The following NCAM2 variants were observed in gnomAD, a reference collection of about 807,000 sequenced individuals.
NCAM2 encodes the protein neural cell adhesion molecule 2.
In NCAM2, 30 loss-of-function variants were observed where a neutral mutation model predicts 98.1. The ratio of observed to expected loss-of-function variants is 0.31; its 90% confidence interval spans 0.23 to 0.41. The LOEUF (loss-of-function observed/expected upper bound fraction) is 0.41. Ranked by LOEUF, NCAM2 falls within the 10% of genes least tolerant of loss-of-function variation. NCAM2 has a pLI of 1.00. For synonymous variants in NCAM2, 368 were observed against 342.4 expected, an observed-to-expected ratio of 1.07 and a Z score of -0.83; for missense variants, 867 against 1,005.8, an observed-to-expected ratio of 0.86 and a Z score of 1.87.
intron 1 of NCAM2, among the ~76,000 whole-genome samples, chr21:21,181,716 A>G (rs1368032375): frequency 6.6e-6 from 1 of 152,040 alleles, no homozygotes; most frequent in African/African-American, 2.4e-5. Flanking sequence ...TCTTTTCTGA[A>G]ATGTTTTCTT....
rs372762596 is a variant in NCAM2, at chr21:21,120,844, G to A, written c.55+122226G>A. Among the ~76,000 whole-genome samples the A allele has an allele frequency of 1.4e-4, 21 of 150,782 alleles. No homozygotes were observed. The South Asian group carries it at 4.2e-3, about 31-fold the overall frequency. On this transcript the variant is annotated intron_variant, in intron 1 of 17. Transcript: ENST00000400546. ...GTCGATTCTCCTGCCTCAGCCTCCCGAGTAGCTGGGATTACAGGTGGGTGC... is the reference window on the plus strand; with the variant it reads ...GTCGATTCTCCTGCCTCAGCCTCCCAAGTAGCTGGGATTACAGGTGGGTGC...
intron 8 of NCAM2, among the ~76,000 whole-genome samples, chr21:21,368,463 A>C (rs2075838210): frequency 6.6e-6 from 1 of 151,774 alleles, no homozygotes; most frequent in African/African-American, 2.4e-5. Flanking sequence ...TAGTCTGTTC[A>C]CGCTGCTATA....
chr21:21,395,318 G>T (rs1204279549), intron 9 of NCAM2, among the ~76,000 whole-genome samples: 1 of 151,982 alleles, frequency 6.6e-6, no homozygotes, highest in African/African-American at 2.4e-5. Context: ...CCACAGCCGG[G>T]ACAGCAGAGC....
intron 1 of NCAM2, among the ~76,000 whole-genome samples, chr21:21,228,660 T>C (rs2070491134): frequency 1.3e-5 from 2 of 151,390 alleles, no homozygotes; most frequent in South Asian, 4.1e-4. Context: ...AAATGATATG[T>C]TTTGTGTGTT....
intron 1 of NCAM2, among the ~76,000 whole-genome samples, chr21:21,077,487 A>T (rs2065704031): frequency 6.6e-6 from 1 of 152,204 alleles, no homozygotes; most frequent in Non-Finnish European, 1.5e-5. Flanking sequence ...ATTTCAGATT[A>T]ATGAGGCCCA....
intron 14 of NCAM2, among the ~76,000 whole-genome samples, chr21:21,476,017 TG>T (rs1985120405): frequency 6.6e-6 from 1 of 152,186 alleles, no homozygotes; most frequent in African/African-American, 2.4e-5. Context: ...AATGCAATCA[TG>T]AATTTAACTT....
At chr21:21,104,834 A>G (rs745714944) in intron 1 of NCAM2, among the ~76,000 whole-genome samples, 9 of 152,160 alleles carry the variant, frequency 5.9e-5, no homozygotes, top group East Asian at 5.8e-4. Flanking sequence ...GATGGAGGCT[A>G]TAAAAGAAAT....
At chr21:21,147,040 C>T (rs1446518350) in intron 1 of NCAM2, 1 of 823,706 alleles carries the variant, frequency 1.2e-6, no homozygotes, top group East Asian at 1.7e-4. Context: ...TGTCCCACTC[C>T]GGAACTCATA....
At chr21:21,310,604 C>A (rs1426043333) in intron 5 of NCAM2, among the ~76,000 whole-genome samples, 1 of 152,170 alleles carries the variant, frequency 6.6e-6, no homozygotes, top group Non-Finnish European at 1.5e-5. Context: ...CTTATTGAAT[C>A]TGATTGTAAC....
rs1349128576 is a variant in NCAM2 at position 21,539,276 on chromosome 21, G to C, written c.*1319G>C. ...TAACTTATATGTAAGGTTTAAAAAA[G>C]TATTTATCATTATAAACATACATAC... is the stretch of plus-strand genomic sequence containing the variant. On this transcript the variant is annotated 3_prime_UTR_variant, in exon 18 of 18. Transcript: ENST00000400546. The C allele has an allele frequency of 2.6e-5, 4 of 152,122 alleles. No individual in the cohort carries two copies. Among genetic ancestry groups the C allele is most frequent in the Admixed American group, 1.3e-4 (2 of 15,270 alleles). The allele number at this position is 152,122 out of a possible 1,614,324, so 9.4% of individuals were successfully genotyped here. A position where few individuals can be genotyped will look rare whatever the true frequency, so the allele number is the denominator to read the frequency against.
At chr21:21,253,382 T>G (rs2147299404) in intron 1 of NCAM2, among the ~76,000 whole-genome samples, 1 of 152,288 alleles carries the variant, frequency 6.6e-6, no homozygotes, top group Admixed American at 6.5e-5. Flanking sequence ...GTGCTGAAAC[T>G]TTATTACCAG....
chr21:21,270,875 CCATCATGGCCTTCCCTAGTT>C (rs2072471186), intron 1 of NCAM2, among the ~76,000 whole-genome samples: 1 of 151,804 alleles, frequency 6.6e-6, no homozygotes, highest in Non-Finnish European at 1.5e-5. Flanking sequence ...CATTGCCTGA[CCATCATGGCCTTCCCTAGTT>C]CATCATCTCT....
chr21:21,431,123 T>TTGTGTGTGTGTGTGTGTGTGTGTGTGTG (rs3037969), intron 11 of NCAM2, among the ~76,000 whole-genome samples: 205 of 141,232 alleles, frequency 1.5e-3, no homozygotes, highest in African/African-American at 3.5e-3. Flanking sequence ...TAATATATGT[T>TTGTGTGTGTGTGTGTGTGTGTGTGTGTG]TGTGTGTGTG....
At chr21:21,195,484 C>A in intron 1 of NCAM2, among the ~76,000 whole-genome samples, 1 of 152,122 alleles carries the variant, frequency 6.6e-6, no homozygotes, top group East Asian at 1.9e-4. Flanking sequence ...TTTTCAGCAT[C>A]ACTATGTTTT....
At chr21:21,201,151 C>T (rs1428566601) in intron 1 of NCAM2, among the ~76,000 whole-genome samples, 1 of 152,110 alleles carries the variant, frequency 6.6e-6, no homozygotes, top group Admixed American at 6.6e-5. Flanking sequence ...CCATTTTCAT[C>T]CCATTTCTTT....
At chr21:21,299,530 T>C (rs1472114869) in intron 5 of NCAM2, among the ~76,000 whole-genome samples, 1 of 151,884 alleles carries the variant, frequency 6.6e-6, no homozygotes, top group Admixed American at 6.6e-5. Context: ...TTCTCTAGGA[T>C]GAGATTTCAC....
chr21:21,028,894 T>C (rs1568943325), intron 1 of NCAM2, among the ~76,000 whole-genome samples: 3 of 152,318 alleles, frequency 2.0e-5, no homozygotes, highest in South Asian at 4.1e-4. Context: ...AAAAATTATG[T>C]AAGCTATCAT....
chr21:21,225,507 C>T (rs1361414215), intron 1 of NCAM2, among the ~76,000 whole-genome samples: 1 of 151,988 alleles, frequency 6.6e-6, no homozygotes, highest in Non-Finnish European at 1.5e-5. Flanking sequence ...AAGCTCACAT[C>T]ATGAATTAAT....
At chr21:21,098,576 T>A (rs1395945550) in intron 1 of NCAM2, among the ~76,000 whole-genome samples, 2 of 151,802 alleles carry the variant, frequency 1.3e-5, no homozygotes, top group African/African-American at 4.8e-5. Context: ...GTTCACATCT[T>A]CTCTATTAGG....
Sources: allele counts gnomAD v4.1 joint callset (sites outside exome capture counted in the v4.1 genomes callset), GRCh38; gene constraint gnomAD v4.1.1; transcripts MANE v1.5; gene names NCBI Gene and HGNC (gene_info 2026-07-23, HGNC 2026-07-21).